SUSD4: variants seen among roughly 807,000 people sequenced by gnomAD.
SUSD4 encodes the protein sushi domain-containing protein 4.
In SUSD4, 41 loss-of-function variants were observed where a neutral mutation model predicts 50.5. That is an observed-to-expected ratio of 0.81 (90% CI 0.63 to 1.05). The LOEUF (loss-of-function observed/expected upper bound fraction) is 1.05. Among genes scored for constraint, SUSD4 ranks in the 50% least tolerant of loss-of-function variants. The probability of loss-of-function intolerance (pLI) is 0.00; values close to 1 mark genes in which losing one functional copy is unlikely to be tolerated. For synonymous variants in SUSD4, 257 were observed against 257.3 expected, an observed-to-expected ratio of 1.00 and a Z score of 0.01; for missense variants, 580 against 634.7, an observed-to-expected ratio of 0.91 and a Z score of 0.93.
In SUSD4 at chr1:223,352,442, T is replaced by C. The variant is rs140259770; in HGVS notation, c.148+10836A>G. 2.7e-3 allele frequency among the ~76,000 whole-genome samples: 416 copies of C among 152,274 alleles called. 2 individuals are homozygous for C. Among genetic ancestry groups the C allele is most frequent in the Non-Finnish European group, 4.7e-3 (320 of 68,014 alleles). On this transcript the variant is annotated intron_variant, in intron 2 of 8. Coordinates refer to ENST00000366878, the MANE Select transcript of SUSD4 (RefSeq NM_017982.4). The stretch of plus-strand genomic sequence containing the variant: ...CCCTCCCTGATTAATTCAAAGCCCA[T>C]TGCACAGACTGCACTTTAAGGAGCG...
chr1:223,332,944 G>A lies in SUSD4; in HGVS notation c.148+30334C>T, dbSNP rs975546561. On this transcript the variant is annotated intron_variant, in intron 2 of 8. Coordinates refer to ENST00000366878, the MANE Select transcript of SUSD4 (RefSeq NM_017982.4). The surrounding 1 kb of genome is among the most constrained non-coding windows in gnomAD (Gnocchi z 4.0). ...TGGCCACCTGCTCCTGATACTCTGC[G>A]TGGAAGCTGCCGCAACTGCACACCA... 4.6e-5 allele frequency among the ~76,000 whole-genome samples: 7 copies of A among 152,048 alleles called. No homozygotes were observed. The highest frequency in any genetic ancestry group is 2.1e-4 in the South Asian group (1 of 4,806).
At position 223,227,807 on chromosome 1, in the gene SUSD4, G is replaced by A; in HGVS notation, c.917-69C>T. 15 of 1,516,574 alleles carry A rather than the reference G, an allele frequency of 9.9e-6. No homozygotes were observed. Among genetic ancestry groups the A allele is most frequent in the Non-Finnish European group, 1.3e-5 (15 of 1,122,672 alleles). 93.9% of individuals were successfully genotyped at this position (1,516,574 alleles called of 1,614,324 possible). A position where few individuals can be genotyped will look rare whatever the true frequency, so the allele number is the denominator to read the frequency against. ...TGAGAGGTGCCGAGGTTCCCCGTGG[G>A]CTCATTTGCTGGATTCATCTGGCAC... On this transcript the variant is annotated intron_variant, in intron 6 of 8. Transcript: ENST00000366878. The surrounding 1 kb of genome is among the most constrained non-coding windows in gnomAD (Gnocchi z 4.5).
In SUSD4 at chr1:223,222,178, G is replaced by C. The variant is rs950876286; in HGVS notation, c.*14C>G. On this transcript the variant is annotated 3_prime_UTR_variant, in exon 9 of 9. Coordinates refer to ENST00000366878, the MANE Select transcript of SUSD4 (RefSeq NM_017982.4). ...CCCGAAGGAGCAGGAGAGTCATCTG[G>C]ATCTTGACCCATATTAGGGATCTTC... The C allele has an allele frequency of 9.9e-6, 16 of 1,613,320 alleles. No homozygotes were observed. The African/African-American group carries it at 2.1e-4, about 22-fold the overall frequency.
chr1:223,277,303 T>TA (rs991510762), intron 3 of SUSD4, among the ~76,000 whole-genome samples: 5 of 46,182 alleles, frequency 1.1e-4, no homozygotes, highest in Admixed American at 9.0e-4. Context: ...GAATGGATGA[T>TA]ATTTTTTTTT....
intron 2 of SUSD4, among the ~76,000 whole-genome samples, chr1:223,362,596 A>G (rs1255091550): frequency 1.3e-5 from 2 of 152,298 alleles, no homozygotes; most frequent in African/African-American, 4.8e-5. Flanking sequence ...TATCAATTTT[A>G]TTTCAGCTAA....
At chr1:223,286,430 C>T (rs1571977002) in intron 3 of SUSD4, among the ~76,000 whole-genome samples, 1 of 151,716 alleles carries the variant, frequency 6.6e-6, no homozygotes, top group Non-Finnish European at 1.5e-5. Flanking sequence ...TTTGTATTTT[C>T]AGTAGAGACA....
intron 5 of SUSD4, among the ~76,000 whole-genome samples, chr1:223,259,815 T>C (rs1349634942): frequency 6.6e-6 from 1 of 152,130 alleles, no homozygotes; most frequent in African/African-American, 2.4e-5. Flanking sequence ...CATTTACTTA[T>C]TGTTATGCTC....
chr1:223,285,110 C>G (rs934551414), intron 3 of SUSD4, among the ~76,000 whole-genome samples: 1 of 152,170 alleles, frequency 6.6e-6, no homozygotes, highest in South Asian at 2.1e-4. Flanking sequence ...TAAAACATCA[C>G]TATGTATCCC....
chr1:223,340,054 A>C (rs1473244161), intron 2 of SUSD4, among the ~76,000 whole-genome samples: 1 of 152,220 alleles, frequency 6.6e-6, no homozygotes, highest in African/African-American at 2.4e-5. Context: ...GTGGGGAATC[A>C]AGCCCTGGAA....
chr1:223,264,558 C>T (rs1238151832), intron 5 of SUSD4, 72 bp downstream of exon 5: 1 of 1,577,036 alleles, frequency 6.3e-7, no homozygotes, highest in Non-Finnish European at 8.6e-7. Flanking sequence ...ATTCACAGCT[C>T]TTCCTCCTAC....
chr1:223,352,439 C>T (rs1213884412), intron 2 of SUSD4, among the ~76,000 whole-genome samples: 1 of 152,158 alleles, frequency 6.6e-6, no homozygotes, highest in Non-Finnish European at 1.5e-5. Context: ...AATTCAAAGC[C>T]CATTGCACAG....
Position 223,229,081 on chromosome 1 carries a change from G to T in SUSD4, c.916+116C>A, listed in dbSNP as rs2102998870. ...CCGCAATGATATGTTTCGATATCCT[G>T]TTCCTGACACTGGGTGGGGGAGGAG... On this transcript the variant is annotated intron_variant, in intron 6 of 8. Coordinates refer to ENST00000366878, the MANE Select transcript of SUSD4 (RefSeq NM_017982.4). This position sits in a 1 kb window ranked among gnomAD's most constrained non-coding sequence, Gnocchi z 4.7. The T allele has an allele frequency of 1.6e-5, 18 of 1,093,494 alleles. No homozygotes were observed. In the South Asian group the frequency reaches 2.5e-4, roughly 15 times the overall value. The allele number at this position is 1,093,494 out of a possible 1,614,324, so 67.7% of individuals were successfully genotyped here.
Position 223,224,106 on chromosome 1 carries a change from T to C in SUSD4, c.1062-475A>G, listed in dbSNP as rs111386750. Among the ~76,000 whole-genome samples the C allele has an allele frequency of 7.3e-3, 1,119 of 152,258 alleles. 11 individuals are homozygous for C. The highest frequency in any genetic ancestry group is 0.025 in the African/African-American group (1,059 of 41,564). On this transcript the variant is annotated intron_variant, in intron 7 of 8. Transcript: ENST00000366878. ...GCTCACACCTGCAATCCCAGCACTT[T>C]GGGAGGTTTTGCTTGAGCCCAGGAG...
chr1:223,285,169 C>G (rs1352228032), intron 3 of SUSD4, among the ~76,000 whole-genome samples: 2 of 151,918 alleles, frequency 1.3e-5, no homozygotes, highest in Admixed American at 1.3e-4. Flanking sequence ...ACATAGGTAC[C>G]CAATCCATAT....
In SUSD4 at chr1:223,266,498, A is replaced by T. The variant is rs147228505; in HGVS notation, c.536-1680T>A. Among the ~76,000 whole-genome samples the T allele has an allele frequency of 6.1e-3, 936 of 152,350 alleles. 13 individuals are homozygous for T. The highest frequency in any genetic ancestry group is 0.021 in the African/African-American group (854 of 41,574). On this transcript the variant is annotated intron_variant, in intron 4 of 8. Transcript: ENST00000366878. ...TCCTAGGAAGGAATTGTAGTTCTAA[A>T]CTACCCACACAGATAAGCTGGTTTC...
intron 5 of SUSD4, among the ~76,000 whole-genome samples, chr1:223,238,102 A>G (rs1448087773): frequency 6.6e-6 from 1 of 152,032 alleles, no homozygotes; most frequent in East Asian, 1.9e-4. Context: ...GACTTGCTCC[A>G]TTTCATCTAG....
chr1:223,359,151 G>T (rs1356311068), intron 2 of SUSD4: 1 of 471,052 alleles, frequency 2.1e-6, no homozygotes, highest in Non-Finnish European at 4.4e-6. Flanking sequence ...GACAAGCCAA[G>T]CTCAGATGAT....
At chr1:223,305,386 C>G (rs527987470) in intron 2 of SUSD4, among the ~76,000 whole-genome samples, 6 of 152,170 alleles carry the variant, frequency 3.9e-5, no homozygotes, top group African/African-American at 1.2e-4. Flanking sequence ...ATGGGAACAC[C>G]AAGGATTCTA....
rs1303372979 is a variant in SUSD4 at position 223,227,095 on chromosome 1, C to T, written c.1061+499G>A. ...GATAAGACTTCATGGTAGACTCTCA[C>T]TAGCCCTTTCCTGATTGCTCCTGGA... is the stretch of plus-strand genomic sequence containing the variant. On this transcript the variant is annotated intron_variant, in intron 7 of 8. Coordinates refer to ENST00000366878, the MANE Select transcript of SUSD4 (RefSeq NM_017982.4). This position sits in a 1 kb window ranked among gnomAD's most constrained non-coding sequence, Gnocchi z 4.5. Among the ~76,000 whole-genome samples, 1 of 152,210 alleles carries T rather than the reference C, an allele frequency of 6.6e-6. No homozygotes were observed. Among genetic ancestry groups the T allele is most frequent in the East Asian group, 1.9e-4 (1 of 5,194 alleles).
Sources: gnomAD v4.1 joint callset for allele counts (sites outside exome capture counted in the v4.1 genomes callset) on GRCh38, gnomAD v4.1.1 for gene constraint, Gnocchi (gnomAD v3.1) non-coding constraint, MANE v1.5 for transcripts, NCBI Gene and HGNC (gene_info 2026-07-23, HGNC 2026-07-21) for gene names.